Variants in BRAP observed in about 807,000 individuals in gnomAD.
The protein encoded by BRAP is BRCA1-associated protein.
Under a neutral mutation model 73.4 loss-of-function variants are expected in BRAP, and 42 were observed. The ratio of observed to expected loss-of-function variants is 0.57; its 90% confidence interval spans 0.45 to 0.74. The LOEUF (loss-of-function observed/expected upper bound fraction) is 0.74. Ranked by LOEUF, BRAP falls within the 30% of genes least tolerant of loss-of-function variation. The pLI is 0.00. For synonymous variants in BRAP, 255 were observed against 267.4 expected (o/e 0.95, Z 0.45); for missense variants, 593 against 751.4 (o/e 0.79, Z 2.46).
intron 4 of BRAP, chr12:111,673,257 C>G (rs1467386886): frequency 6.5e-6 from 1 of 153,342 alleles, no homozygotes; most frequent in Non-Finnish European, 1.5e-5. Context: ...GTAATCCCAG[C>G]GCTTTGGGAG....
rs1885932293 is a variant in BRAP, at chr12:111,642,436, T to A, written c.*1763A>T. ...CCTTTCAGAGCATTTATCCCACCTG[T>A]ACTGAAAAATCTGTTTTCCCAGGTG... On this transcript the variant is annotated 3_prime_UTR_variant, in exon 12 of 12. Coordinates refer to ENST00000419234, the MANE Select transcript of BRAP (RefSeq NM_006768.5). 1 of 152,142 alleles carries A rather than the reference T, an allele frequency of 6.6e-6. No homozygotes were observed. The highest frequency in any genetic ancestry group is 1.5e-5 in the Non-Finnish European group (1 of 68,034). The allele number at this position is 152,142 out of a possible 1,614,324, so 9.4% of individuals were successfully genotyped here. A position where few individuals can be genotyped will look rare whatever the true frequency, so the allele number is the denominator to read the frequency against.
At chr12:111,651,495 C>T (rs928185147) in intron 10 of BRAP, among the ~76,000 whole-genome samples, 2 of 151,756 alleles carry the variant, frequency 1.3e-5, no homozygotes, top group Non-Finnish European at 2.9e-5. Flanking sequence ...CAAGATCACA[C>T]CACTGCACTC....
At chr12:111,654,922 T>C (rs1886466597) in intron 10 of BRAP, among the ~76,000 whole-genome samples, 2 of 152,202 alleles carry the variant, frequency 1.3e-5, no homozygotes, top group Admixed American at 1.3e-4. Context: ...TTATACACAA[T>C]TATACACAGA....
chr12:111,680,451 C>T (rs2135930120), intron 3 of BRAP, among the ~76,000 whole-genome samples: 2 of 151,732 alleles, frequency 1.3e-5, no homozygotes, highest in South Asian at 4.2e-4. Context: ...AATCCCAACA[C>T]TTTGGGAGGC....
At chr12:111,649,861 T>C (rs1258946451) in intron 11 of BRAP, 78 bp downstream of exon 11, 5 of 985,336 alleles carry the variant, frequency 5.1e-6, no homozygotes, top group African/African-American at 3.3e-5. Context: ...TATTTGAAAA[T>C]GAGGGTGTTT....
chr12:111,683,104 G>T, intron 2 of BRAP, 42 bp downstream of exon 2: 1 of 1,582,282 alleles, frequency 6.3e-7, no homozygotes, highest in Non-Finnish European at 8.6e-7. Context: ...GGCAACCAGT[G>T]TTCACATTAC....
At chr12:111,672,012 C>T (rs1163590754) in intron 5 of BRAP, among the ~76,000 whole-genome samples, 1 of 152,034 alleles carries the variant, frequency 6.6e-6, no homozygotes, top group Non-Finnish European at 1.5e-5. Flanking sequence ...CATGAACCAC[C>T]GCGCCCAGCC....
In BRAP at chr12:111,644,037, T is replaced by C; in HGVS notation, c.*162A>G. 4 of 1,145,546 alleles carry C rather than the reference T, an allele frequency of 3.5e-6. No individual in the cohort carries two copies. The highest frequency in any genetic ancestry group is 4.8e-6 in the Non-Finnish European group (4 of 835,310). The allele number at this position is 1,145,546 out of a possible 1,614,324, so 71.0% of individuals were successfully genotyped here. The stretch of plus-strand genomic sequence containing the variant: ...TATCAGCTCTCCAGTCAGCACCCTT[T>C]ACATTCACTACATCACACACTAGCA... On this transcript the variant is annotated 3_prime_UTR_variant, in exon 12 of 12. Transcript: ENST00000419234.
Position 111,685,826 on chromosome 12 carries a change from G to C in BRAP, c.-34C>G, listed in dbSNP as rs777630125. ...CGCTGGCCGGCGCGGGCCCCGGCGG[G>C]CTCAGGCGAGGCTGGAAGGCGAGCC... is the stretch of plus-strand genomic sequence containing the variant. On this transcript the variant is annotated 5_prime_UTR_variant, in exon 1 of 12. Coordinates refer to ENST00000419234, the MANE Select transcript of BRAP (RefSeq NM_006768.5). 2 of 1,504,082 alleles carry C rather than the reference G, an allele frequency of 1.3e-6. No homozygotes were observed. The highest frequency in any genetic ancestry group is 2.5e-5 in the South Asian group (2 of 79,358). 93.2% of individuals were successfully genotyped at this position (1,504,082 alleles called of 1,614,324 possible). A position where few individuals can be genotyped will look rare whatever the true frequency, so the allele number is the denominator to read the frequency against.
At chr12:111,682,088 T>C (rs1431916313) in intron 2 of BRAP, among the ~76,000 whole-genome samples, 2 of 152,188 alleles carry the variant, frequency 1.3e-5, no homozygotes, top group East Asian at 1.9e-4. Flanking sequence ...AATACCATAA[T>C]GCAAGCAGGT....
chr12:111,650,809 C>T (rs546779180), intron 10 of BRAP, among the ~76,000 whole-genome samples: 1 of 152,256 alleles, frequency 6.6e-6, no homozygotes, highest in South Asian at 2.1e-4. Context: ...CATGAAGCCA[C>T]ATGGAGTATA....
rs1886264207 is a variant in BRAP, at chr12:111,650,170, A to G, written c.1312-128T>C. 1.4e-5 allele frequency: 7 copies of G among 489,394 alleles called. No homozygotes were observed. The East Asian group carries it at 2.4e-4, about 17-fold the overall frequency. The allele number at this position is 489,394 out of a possible 1,614,324, so 30.3% of individuals were successfully genotyped here. On this transcript the variant is annotated intron_variant, in intron 10 of 11. Transcript: ENST00000419234. Reference sequence around the variant, plus strand: ...TGACAAACCAAAATTAGAGAAGGTGAGATATGGCAGTTTCCAGGCAGGGGA... The same window carrying G: ...TGACAAACCAAAATTAGAGAAGGTGGGATATGGCAGTTTCCAGGCAGGGGA...
intron 5 of BRAP, among the ~76,000 whole-genome samples, chr12:111,667,720 A>AAAAAAAAAAAAAAAAAAAAAAAAAC (rs1887006980): frequency 6.7e-6 from 1 of 148,226 alleles, no homozygotes; most frequent in African/African-American, 2.5e-5. Context: ...AAAAAAAAAA[A>AAAAAAAAAAAAAAAAAAAAAAAAAC]AGCTCATACA....
At chr12:111,663,410 G>A (rs759840157) in intron 6 of BRAP, among the ~76,000 whole-genome samples, 11 of 152,120 alleles carry the variant, frequency 7.2e-5, no homozygotes, top group Admixed American at 1.3e-4. Flanking sequence ...CCGAGATCAC[G>A]CTACTGCACT....
chr12:111,684,031 C>G (rs1292617566), intron 1 of BRAP, among the ~76,000 whole-genome samples: 1 of 152,116 alleles, frequency 6.6e-6, no homozygotes, highest in Non-Finnish European at 1.5e-5. Context: ...TCTTAAACAT[C>G]CTGGCTTATG....
intron 10 of BRAP, among the ~76,000 whole-genome samples, chr12:111,654,921 A>G (rs1287491869): frequency 6.6e-6 from 1 of 152,168 alleles, no homozygotes; most frequent in Non-Finnish European, 1.5e-5. Context: ...ATTATACACA[A>G]TTATACACAG....
chr12:111,663,595 ACACTG>A (rs1289194927), intron 6 of BRAP, among the ~76,000 whole-genome samples: 3 of 152,238 alleles, frequency 2.0e-5, no homozygotes, highest in Middle Eastern at 3.4e-3. Context: ...AAAAAGACCA[ACACTG>A]CCTCCTACTG....
At position 111,644,494 on chromosome 12, in the gene BRAP, T is replaced by C. The variant is rs568588651; in HGVS notation, c.1484A>G (p.Lys495Arg). The C allele has an allele frequency of 1.2e-5, 20 of 1,614,158 alleles. No individual in the cohort carries two copies. Among genetic ancestry groups the C allele is most frequent in the South Asian group, 8.8e-5 (8 of 91,084 alleles). ...GAGGACTTGGTTGGCTCGCAAACAC[T>C]TGTTCATTTCCTGCTCCTCTTTGAG... ...NELKEEQEMN[K>R]CLRANQVLLQ... The change falls in exon 12 of 12, where the codon AAG becomes AGG. Residue 495 changes from lysine to arginine, a missense_variant. By Grantham distance (26) the Lys-to-Arg change is conservative (BLOSUM62 2). Around this residue, in one of 4 missense-constraint regions of BRAP, gnomAD observed 143 missense variants for 190.4 expected, o/e 0.75. Transcript: ENST00000419234.
intron 4 of BRAP, among the ~76,000 whole-genome samples, chr12:111,674,598 A>C (rs981152502): frequency 6.6e-6 from 1 of 152,172 alleles, no homozygotes; most frequent in Non-Finnish European, 1.5e-5. Context: ...AGGATGATCA[A>C]TTCTGAATAT....
Sources: gnomAD v4.1 joint callset for allele counts (sites outside exome capture counted in the v4.1 genomes callset) on GRCh38, gnomAD v4.1.1 for gene constraint, gnomAD v4.1.1 regional missense constraint, MANE v1.5 for transcripts, NCBI Gene and HGNC (gene_info 2026-07-23, HGNC 2026-07-21) for gene names.